Variants in ADAMTS18 observed in about 807,000 individuals in gnomAD.
ADAMTS18 encodes A disintegrin and metalloproteinase with thrombospondin motifs 18.
In ADAMTS18, 157 loss-of-function variants were observed where a neutral mutation model predicts 165.9. The observed-to-expected ratio is 0.95, with a 90% CI of 0.83 to 1.08. The LOEUF is 1.08. ADAMTS18 is among the 50% of genes least tolerant of loss of function. The pLI is 0.00. For synonymous variants in ADAMTS18, 782 were observed against 578.2 expected, an observed-to-expected ratio of 1.35 and a Z score of -5.06; for missense variants, 2,040 against 1,534.0, an observed-to-expected ratio of 1.33 and a Z score of -5.51.
At chr16:77,431,221 A>C (rs1597267692) in intron 3 of ADAMTS18, 74 bp downstream of exon 3, 27 of 1,521,656 alleles carry the variant, frequency 1.8e-5, no homozygotes, top group Non-Finnish European at 2.2e-5. Context: ...GAGCATTTAT[A>C]TTGCAGACAT....
intron 3 of ADAMTS18, among the ~76,000 whole-genome samples, chr16:77,411,055 C>A (rs2057456115): frequency 6.6e-6 from 1 of 152,178 alleles, no homozygotes; most frequent in African/African-American, 2.4e-5. Flanking sequence ...ACATGAATAT[C>A]AACTGACTAC....
chr16:77,381,405 G>C lies in ADAMTS18; in HGVS notation c.496-13682C>G, dbSNP rs533358875. Among the ~76,000 whole-genome samples, 5 of 152,280 alleles carry C rather than the reference G, an allele frequency of 3.3e-5. No individual in the cohort carries two copies. The South Asian group carries it at 1.0e-3, about 32-fold the overall frequency. ...GCAGAAGGTCCTAGCCTCCCGCCAA[G>C]TACCTGCTGTTCCTTTCCCTGCTTC... On this transcript the variant is annotated intron_variant, in intron 3 of 22. Coordinates refer to ENST00000282849, the MANE Select transcript of ADAMTS18 (RefSeq NM_199355.4).
intron 3 of ADAMTS18, among the ~76,000 whole-genome samples, chr16:77,424,536 C>T (rs971437842): frequency 1.3e-5 from 2 of 151,844 alleles, no homozygotes; most frequent in African/African-American, 2.4e-5. Context: ...ATGTGAGACC[C>T]CTCAAACTGG....
At chr16:77,380,381 A>G (rs573643900) in intron 3 of ADAMTS18, among the ~76,000 whole-genome samples, 1 of 152,218 alleles carries the variant, frequency 6.6e-6, no homozygotes, top group Admixed American at 6.5e-5. Context: ...TGAAATAAAC[A>G]CTTAATGACT....
intron 7 of ADAMTS18, among the ~76,000 whole-genome samples, chr16:77,360,269 A>C (rs1317941553): frequency 6.6e-6 from 1 of 152,260 alleles, no homozygotes; most frequent in African/African-American, 2.4e-5. Flanking sequence ...AAATGGTTGC[A>C]AATTCACACA....
chr16:77,314,778 A>ATATATATATATATG (rs1366859577), intron 16 of ADAMTS18, among the ~76,000 whole-genome samples: 2 of 85,510 alleles, frequency 2.3e-5, no homozygotes, highest in Non-Finnish European at 4.9e-5. Context: ...ATATATATAT[A>ATATATATATATATG]TATATATAAA....
chr16:77,433,473 G>A (rs1200436554), intron 2 of ADAMTS18: 3 of 152,238 alleles, frequency 2.0e-5, no homozygotes, highest in African/African-American at 7.2e-5. Flanking sequence ...CAGGAGGTGA[G>A]TAAGGGTGAG....
rs1370599668 is a variant in ADAMTS18, at chr16:77,431,506, C to G, written c.284G>C (p.Ser95Thr). 1 of 1,614,202 alleles carries G rather than the reference C, an allele frequency of 6.2e-7. No homozygotes were observed. The highest frequency in any genetic ancestry group is 8.5e-7 in the Non-Finnish European group (1 of 1,180,032). The change falls in exon 3 of 23, where the codon AGC becomes ACC. Residue 95 changes from serine to threonine, a missense_variant. Transcript: ENST00000282849. ...TGCTGAAAATCGGTAGTGCAGGGAG[C>G]TTCTGGCATTCTGCGCCGATCGCTT... is the stretch of plus-strand genomic sequence containing the variant. ...RKKRSAQNARSSLHYRFSAFG... is the reference protein window; with the variant it reads ...RKKRSAQNARTSLHYRFSAFG...
At chr16:77,375,583 A>T (rs9936164) in intron 3 of ADAMTS18, among the ~76,000 whole-genome samples, 2 of 151,926 alleles carry the variant, frequency 1.3e-5, no homozygotes, top group Non-Finnish European at 2.9e-5. Context: ...GATGTCTCAG[A>T]GCTAAGGAGC....
intron 22 of ADAMTS18, among the ~76,000 whole-genome samples, chr16:77,287,606 G>T (rs1260312553): frequency 6.6e-6 from 1 of 151,978 alleles, no homozygotes; most frequent in Admixed American, 6.5e-5. Flanking sequence ...CCAGTAGCTA[G>T]GCCTACGGGC....
Position 77,426,765 on chromosome 16 carries a change from G to C in ADAMTS18, c.495+4530C>G, listed in dbSNP as rs144767351. Reference sequence around the variant, plus strand: ...GGTGGGGTGTGGTGGCTCAAGCCTGGTAATCCCAGCACTTTGGGAGGCTGA... The same window carrying C: ...GGTGGGGTGTGGTGGCTCAAGCCTGCTAATCCCAGCACTTTGGGAGGCTGA... On this transcript the variant is annotated intron_variant, in intron 3 of 22. Transcript: ENST00000282849. 1.8e-3 allele frequency among the ~76,000 whole-genome samples: 279 copies of C among 152,282 alleles called. 1 individual carries two copies. Among genetic ancestry groups the C allele is most frequent in the African/African-American group, 6.6e-3 (275 of 41,550 alleles).
intron 3 of ADAMTS18, among the ~76,000 whole-genome samples, chr16:77,369,261 G>T (rs1284404267): frequency 6.6e-6 from 1 of 152,010 alleles, no homozygotes; most frequent in Non-Finnish European, 1.5e-5. Context: ...CTAAAGATTT[G>T]TCAATTTTAT....
chr16:77,405,452 T>G (rs779240709), intron 3 of ADAMTS18, among the ~76,000 whole-genome samples: 1 of 152,164 alleles, frequency 6.6e-6, no homozygotes, highest in Non-Finnish European at 1.5e-5. Flanking sequence ...CAACTCAATT[T>G]GATGTTGAGG....
At chr16:77,369,552 C>A (rs578261333) in intron 3 of ADAMTS18, among the ~76,000 whole-genome samples, 2 of 152,242 alleles carry the variant, frequency 1.3e-5, no homozygotes, top group South Asian at 4.1e-4. Context: ...CATGAAGAAA[C>A]AGAAAATCTG....
At chr16:77,426,745 G>A (rs2057677982) in intron 3 of ADAMTS18, among the ~76,000 whole-genome samples, 1 of 152,100 alleles carries the variant, frequency 6.6e-6, no homozygotes, top group Admixed American at 6.5e-5. Flanking sequence ...GATAGGGTGG[G>A]GTGTGGTGGC....
intron 3 of ADAMTS18, among the ~76,000 whole-genome samples, chr16:77,378,354 A>C (rs274527): frequency 0.078 from 7,306 of 94,032 alleles, 265 homozygotes; most frequent in Non-Finnish European, 0.12. Flanking sequence ...AAAAAACAAA[A>C]AAAAAAAAAA....
At chr16:77,353,269 A>T (rs1430474319) in intron 10 of ADAMTS18, among the ~76,000 whole-genome samples, 1 of 152,180 alleles carries the variant, frequency 6.6e-6, no homozygotes, top group Non-Finnish European at 1.5e-5. Flanking sequence ...CAAAAATCTT[A>T]TTAATATTAC....
chr16:77,414,110 A>AG (rs2057499891), intron 3 of ADAMTS18, among the ~76,000 whole-genome samples: 1 of 152,216 alleles, frequency 6.6e-6, no homozygotes, highest in Non-Finnish European at 1.5e-5. Flanking sequence ...TAAGTATATA[A>AG]TGGCCAAGTG....
chr16:77,391,560 T>A (rs2057187945), intron 3 of ADAMTS18, among the ~76,000 whole-genome samples: 1 of 151,606 alleles, frequency 6.6e-6, no homozygotes, highest in South Asian at 2.1e-4. Context: ...AACAAGTAAT[T>A]GTTTGAGTAT....
Sources: allele counts gnomAD v4.1 joint callset (sites outside exome capture counted in the v4.1 genomes callset), GRCh38; gene constraint gnomAD v4.1.1; transcripts MANE v1.5; gene names NCBI Gene and HGNC (gene_info 2026-07-23, HGNC 2026-07-21).